MAPK4: variants seen among roughly 807,000 people sequenced by gnomAD.
MAPK4 encodes the protein Erk3-related.
Under a neutral mutation model 47.7 loss-of-function variants are expected in MAPK4, and 22 were observed. The ratio of observed to expected loss-of-function variants is 0.46; its 90% CI spans 0.33 to 0.66. The LOEUF (loss-of-function observed/expected upper bound fraction) is 0.66, where lower values mean the gene tolerates loss of function less well. MAPK4 is among the 30% of genes least tolerant of loss of function. MAPK4 has a pLI of 0.02. For missense variants in MAPK4, 736 were observed against 831.7 expected, an observed-to-expected ratio of 0.88 and a Z score of 1.42; for synonymous variants, 390 against 365.7, an observed-to-expected ratio of 1.07 and a Z score of -0.76.
chr18:50,629,245 G>A (rs1023975892), intron 1 of MAPK4, among the ~76,000 whole-genome samples: 5 of 152,318 alleles, frequency 3.3e-5, no homozygotes, highest in East Asian at 1.9e-4. Context: ...CAAGCTTGAC[G>A]TGTGTTGTTA....
intron 2 of MAPK4, among the ~76,000 whole-genome samples, chr18:50,710,733 T>G (rs971059515): frequency 5.3e-5 from 8 of 151,962 alleles, no homozygotes; most frequent in African/African-American, 1.7e-4. Flanking sequence ...TGAGCAGAGA[T>G]AGCGCCACTG....
In MAPK4 at chr18:50,664,639, A is replaced by G. The variant is rs1247589941; in HGVS notation, c.546+135A>G. On this transcript the variant is annotated intron_variant, in intron 2 of 5. Transcript: ENST00000400384. The surrounding 1 kb of genome is among the most constrained non-coding windows in gnomAD (Gnocchi z 6.0). ...TAATTAGGGGAGGCTGGAGGGTGCTAGGAAGATCACTAGCCTGAAAAGTTG... is the reference window on the plus strand; with the variant it reads ...TAATTAGGGGAGGCTGGAGGGTGCTGGGAAGATCACTAGCCTGAAAAGTTG... 4 of 998,714 alleles carry G rather than the reference A, an allele frequency of 4.0e-6. No individual in the cohort carries two copies. Among genetic ancestry groups the G allele is most frequent in the African/African-American group, 1.6e-5 (1 of 61,728 alleles). The allele number at this position is 998,714 out of a possible 1,614,324, so 61.9% of individuals were successfully genotyped here. A position where few individuals can be genotyped will look rare whatever the true frequency, so the allele number is the denominator to read the frequency against.
At chr18:50,642,842 T>G (rs919744994) in intron 1 of MAPK4, among the ~76,000 whole-genome samples, 3 of 152,202 alleles carry the variant, frequency 2.0e-5, no homozygotes, top group Admixed American at 2.0e-4. Context: ...TGACCTCAGG[T>G]AATCCGCCCA....
At chr18:50,636,592 C>G (rs1036632260) in intron 1 of MAPK4, among the ~76,000 whole-genome samples, 24 of 152,320 alleles carry the variant, frequency 1.6e-4, no homozygotes, top group Non-Finnish European at 3.2e-4. Flanking sequence ...ATAAAATGTT[C>G]CACATGACAT....
chr18:50,702,449 G>T (rs1425465033), intron 2 of MAPK4, among the ~76,000 whole-genome samples: 1 of 152,176 alleles, frequency 6.6e-6, no homozygotes, highest in African/African-American at 2.4e-5. Context: ...AGATTATGCA[G>T]CATGTTTACA....
intron 1 of MAPK4, among the ~76,000 whole-genome samples, chr18:50,611,676 G>T (rs750730089): frequency 6.6e-6 from 1 of 152,194 alleles, no homozygotes; most frequent in African/African-American, 2.4e-5. Flanking sequence ...ATTTAATGAC[G>T]TAGCGTTTGA....
intron 2 of MAPK4, among the ~76,000 whole-genome samples, chr18:50,691,276 G>A (rs1179903457): frequency 6.6e-6 from 1 of 151,940 alleles, no homozygotes; most frequent in Non-Finnish European, 1.5e-5. Context: ...TTACAGGTGT[G>A]AGCCACCACA....
At chr18:50,658,343 G>T (rs148305519) in intron 1 of MAPK4, among the ~76,000 whole-genome samples, 2 of 152,270 alleles carry the variant, frequency 1.3e-5, no homozygotes, top group Admixed American at 1.3e-4. Context: ...ACTCGCTGGG[G>T]CTGAGATCAT....
intron 1 of MAPK4, among the ~76,000 whole-genome samples, chr18:50,618,406 T>C (rs1453688476): frequency 6.6e-6 from 1 of 152,184 alleles, no homozygotes; most frequent in Non-Finnish European, 1.5e-5. Context: ...TTGATTAATG[T>C]TGGAGAAAAG....
chr18:50,708,354 C>T (rs1261091097), intron 2 of MAPK4, among the ~76,000 whole-genome samples: 1 of 152,100 alleles, frequency 6.6e-6, no homozygotes, highest in Non-Finnish European at 1.5e-5. Flanking sequence ...AAAGAATTAA[C>T]CCCTATTATA....
intron 1 of MAPK4, among the ~76,000 whole-genome samples, chr18:50,593,304 T>C (rs907913723): frequency 1.3e-5 from 2 of 152,228 alleles, no homozygotes; most frequent in African/African-American, 4.8e-5. Context: ...TGTCTTCCCA[T>C]CGTCTTTCCA....
intron 1 of MAPK4, among the ~76,000 whole-genome samples, chr18:50,583,773 C>T (rs1435712432): frequency 6.6e-6 from 1 of 152,154 alleles, no homozygotes; most frequent in African/African-American, 2.4e-5. Flanking sequence ...AGGAATTTGT[C>T]TCCTGTTGCT....
chr18:50,722,966 T>C (rs1911010617), intron 4 of MAPK4, among the ~76,000 whole-genome samples: 1 of 152,100 alleles, frequency 6.6e-6, no homozygotes, highest in African/African-American at 2.4e-5. Context: ...GAAGCTTCAT[T>C]ATCTAAGAAA....
chr18:50,688,894 A>AT (rs1450647497), intron 2 of MAPK4, among the ~76,000 whole-genome samples: 2 of 150,406 alleles, frequency 1.3e-5, no homozygotes, highest in African/African-American at 2.4e-5. Context: ...GGAAATAAAA[A>AT]AAAAAAAAAA....
At chr18:50,619,991 G>A (rs909430574) in intron 1 of MAPK4, among the ~76,000 whole-genome samples, 5 of 152,234 alleles carry the variant, frequency 3.3e-5, no homozygotes, top group Non-Finnish European at 7.3e-5. Flanking sequence ...CTCCCCCAAG[G>A]AAATGCAGGC....
At chr18:50,568,387 C>T (rs1256292590) in intron 1 of MAPK4, among the ~76,000 whole-genome samples, 4 of 152,104 alleles carry the variant, frequency 2.6e-5, no homozygotes, top group African/African-American at 4.8e-5. Context: ...CAAATTACAT[C>T]GAGCATTTGC....
At chr18:50,652,479 A>G (rs1013410089) in intron 1 of MAPK4, among the ~76,000 whole-genome samples, 1 of 152,144 alleles carries the variant, frequency 6.6e-6, no homozygotes, top group Non-Finnish European at 1.5e-5. Flanking sequence ...TGAAATTTAA[A>G]GGGACTGAAT....
At chr18:50,658,521 G>A (rs1294855209) in intron 1 of MAPK4, among the ~76,000 whole-genome samples, 1 of 152,194 alleles carries the variant, frequency 6.6e-6, no homozygotes, top group Admixed American at 6.5e-5. Flanking sequence ...GAAATAATCA[G>A]GTGAAGCCGT....
Position 50,722,007 on chromosome 18 carries a change from A to G in MAPK4, c.761A>G (p.Asp254Gly). 1 of 1,614,000 alleles carries G rather than the reference A, an allele frequency of 6.2e-7. No individual in the cohort carries two copies. Among genetic ancestry groups the G allele is most frequent in the Non-Finnish European group, 8.5e-7 (1 of 1,180,028 alleles). ...CCTGTAATCCGGGAGGAAGACAAGGACGAGCTGCTCAGGGTGATGCCTTCC... is the reference window on the plus strand; with the variant it reads ...CCTGTAATCCGGGAGGAAGACAAGGGCGAGCTGCTCAGGGTGATGCCTTCC... ...TIPVIREEDK[D>G]ELLRVMPSFV... Residue 254 changes from aspartate to glycine, a missense_variant, in exon 4 of 6, where the codon GAC becomes GGC. Physicochemically the swap from Asp to Gly is moderately conservative, Grantham distance 94 (BLOSUM62 -1). Transcript: ENST00000400384.
Sources: gnomAD v4.1 joint callset for allele counts (sites outside exome capture counted in the v4.1 genomes callset) on GRCh38, gnomAD v4.1.1 for gene constraint, Gnocchi (gnomAD v3.1) non-coding constraint, MANE v1.5 for transcripts, NCBI Gene and HGNC (gene_info 2026-07-23, HGNC 2026-07-21) for gene names.